The following MAN2A1 variants were observed in gnomAD, a reference collection of about 807,000 sequenced individuals.
MAN2A1 encodes alpha-mannosidase 2.
A neutral mutation model predicts 142.6 loss-of-function variants in MAN2A1; 76 were observed. The ratio of observed to expected loss-of-function variants is 0.53; its 90% CI spans 0.44 to 0.65. The LOEUF is 0.65. Among genes scored for constraint, MAN2A1 ranks in the 30% least tolerant of loss-of-function variants. MAN2A1 has a pLI of 0.00. For synonymous variants in MAN2A1, 559 were observed against 473.2 expected (o/e 1.18, Z -2.35); for missense variants, 1,311 against 1,365.1 (o/e 0.96, Z 0.62).
chr5:109,812,980 G>A (rs1580278078), intron 12 of MAN2A1, among the ~76,000 whole-genome samples: 2 of 152,006 alleles, frequency 1.3e-5, no homozygotes, highest in Admixed American at 6.6e-5. Flanking sequence ...ATTTTAAAGT[G>A]CACTTATAAA....
intron 12 of MAN2A1, chr5:109,804,309 A>G (rs1222131464): frequency 1.0e-6 from 1 of 983,408 alleles, no homozygotes; most frequent in Non-Finnish European, 1.2e-6. Flanking sequence ...GAGCCTTTGG[A>G]CTTATTTATT....
chr5:109,733,540 A>G (rs546692428), intron 4 of MAN2A1, among the ~76,000 whole-genome samples: 1 of 152,314 alleles, frequency 6.6e-6, no homozygotes, highest in Non-Finnish European at 1.5e-5. Context: ...CGTCCCATCA[A>G]TACCTAATTT....
chr5:109,716,079 A>T, intron 2 of MAN2A1, 41 bp from the exon 3 acceptor site: 1 of 1,388,944 alleles, frequency 7.2e-7, no homozygotes. Flanking sequence ...CATTAAATTA[A>T]TAATTGTTAA....
chr5:109,834,458 AGTTTT>A (rs1755009327), intron 16 of MAN2A1, among the ~76,000 whole-genome samples: 1 of 152,072 alleles, frequency 6.6e-6, no homozygotes, highest in Non-Finnish European at 1.5e-5. Flanking sequence ...AAAGCCTTTC[AGTTTT>A]GTTTTATGTT....
At chr5:109,732,011 T>A (rs2112588231) in intron 4 of MAN2A1, among the ~76,000 whole-genome samples, 1 of 152,184 alleles carries the variant, frequency 6.6e-6, no homozygotes, top group African/African-American at 2.4e-5. Flanking sequence ...CTCCACATCC[T>A]CTCCAGCACC....
chr5:109,775,119 T>G (rs974415842), intron 8 of MAN2A1, among the ~76,000 whole-genome samples, 154 bp downstream of exon 8: 5 of 152,138 alleles, frequency 3.3e-5, no homozygotes, highest in African/African-American at 9.7e-5. Flanking sequence ...AGGAAGAAAA[T>G]TATTATATGC....
At chr5:109,696,756 T>C (rs1356658307) in intron 1 of MAN2A1, among the ~76,000 whole-genome samples, 2 of 152,236 alleles carry the variant, frequency 1.3e-5, no homozygotes, top group Non-Finnish European at 2.9e-5. Context: ...TGGCCTCTTC[T>C]TTATACCCAG....
At chr5:109,781,653 CTTTTTG>C in intron 9 of MAN2A1, 55 bp downstream of exon 9, 3 of 1,247,158 alleles carry the variant, frequency 2.4e-6, no homozygotes, top group Non-Finnish European at 3.3e-6. Flanking sequence ...TTATCATAAT[CTTTTTG>C]TAGAGTTTTA....
intron 4 of MAN2A1, among the ~76,000 whole-genome samples, chr5:109,741,461 C>A (rs1752265005): frequency 6.6e-6 from 1 of 152,176 alleles, no homozygotes; most frequent in Non-Finnish European, 1.5e-5. Context: ...AGTGGCATTA[C>A]TAATAGATTT....
intron 20 of MAN2A1, among the ~76,000 whole-genome samples, chr5:109,857,738 G>A (rs1396655691): frequency 6.6e-6 from 1 of 152,114 alleles, no homozygotes; most frequent in Non-Finnish European, 1.5e-5. Flanking sequence ...TCACTTCTCA[G>A]ATGAAAAATC....
At chr5:109,722,053 A>C (rs1185421719) in intron 3 of MAN2A1, among the ~76,000 whole-genome samples, 1 of 152,230 alleles carries the variant, frequency 6.6e-6, no homozygotes, top group African/African-American at 2.4e-5. Flanking sequence ...TTTGAAATCA[A>C]GTGATCTTTT....
chr5:109,701,565 G>A (rs769541657), intron 1 of MAN2A1, among the ~76,000 whole-genome samples: 5 of 152,120 alleles, frequency 3.3e-5, no homozygotes, highest in Admixed American at 6.6e-5. Context: ...TTTCAGACCT[G>A]GAAAGGAGCT....
chr5:109,709,093 A>G (rs76324866), intron 1 of MAN2A1, among the ~76,000 whole-genome samples: 2,803 of 152,318 alleles, frequency 0.018, 33 homozygotes, highest in Middle Eastern at 0.071. Flanking sequence ...TTGACCAGCT[A>G]TCTGGATATT....
intron 6 of MAN2A1, among the ~76,000 whole-genome samples, chr5:109,768,078 CTTCT>C (rs1474146060): frequency 1.3e-5 from 2 of 152,160 alleles, no homozygotes; most frequent in South Asian, 4.1e-4. Context: ...GTGTTCCTTC[CTTCT>C]GTCTCTCGTC....
chr5:109,770,626 C>T, intron 7 of MAN2A1, 85 bp downstream of exon 7: 2 of 1,178,652 alleles, frequency 1.7e-6, no homozygotes, highest in Non-Finnish European at 1.2e-6. Flanking sequence ...AACAAATGGG[C>T]TTTATTAGCC....
intron 15 of MAN2A1, 35 bp downstream of exon 15, chr5:109,820,377 A>C: frequency 6.4e-7 from 1 of 1,573,724 alleles, no homozygotes; most frequent in Non-Finnish European, 8.6e-7. Context: ...AATGGAATAA[A>C]CACTTATTGA....
At chr5:109,734,236 A>C (rs1453158522) in intron 4 of MAN2A1, among the ~76,000 whole-genome samples, 4 of 144,578 alleles carry the variant, frequency 2.8e-5, no homozygotes, top group African/African-American at 7.7e-5. Flanking sequence ...TATTGCGTCT[A>C]TTTGATTCTT....
At chr5:109,849,086 A>T (rs1395525314) in intron 19 of MAN2A1, among the ~76,000 whole-genome samples, 6 of 152,204 alleles carry the variant, frequency 3.9e-5, no homozygotes, top group Non-Finnish European at 8.8e-5. Flanking sequence ...CTATGGAGCT[A>T]TGCAGTTTGG....
chr5:109,819,429 A>G (rs1182146112), intron 13 of MAN2A1, among the ~76,000 whole-genome samples: 1 of 152,172 alleles, frequency 6.6e-6, no homozygotes. Flanking sequence ...TGTAAATGCT[A>G]TGTAAATAGT....
Sources: allele counts gnomAD v4.1 joint callset (sites outside exome capture counted in the v4.1 genomes callset), GRCh38; gene constraint gnomAD v4.1.1; transcripts MANE v1.5; gene names NCBI Gene and HGNC (gene_info 2026-07-23, HGNC 2026-07-21).